Variants in SEPTIN9 observed in about 807,000 individuals in gnomAD.
The protein encoded by SEPTIN9 is septin-9.
In SEPTIN9, 13 loss-of-function variants were observed where a neutral mutation model predicts 56.6. That is an observed-to-expected ratio of 0.23 (90% confidence interval 0.15 to 0.37). The LOEUF (loss-of-function observed/expected upper bound fraction) is 0.37. SEPTIN9 is among the 10% of genes least tolerant of loss of function. The pLI, the probability that SEPTIN9 is intolerant of heterozygous loss-of-function variation, is 1.00. For synonymous variants in SEPTIN9, 332 were observed against 334.1 expected, an observed-to-expected ratio of 0.99 and a Z score of 0.07; for missense variants, 650 against 823.1, an observed-to-expected ratio of 0.79 and a Z score of 2.57.
At chr17:77,383,594 G>A (rs947729413) in intron 2 of SEPTIN9, among the ~76,000 whole-genome samples, 2 of 152,240 alleles carry the variant, frequency 1.3e-5, no homozygotes, top group African/African-American at 4.8e-5. Context: ...GACGGGGGCT[G>A]CCTCTGCCCC....
intron 2 of SEPTIN9, among the ~76,000 whole-genome samples, chr17:77,378,646 A>T (rs375546545): frequency 1.1e-4 from 17 of 152,348 alleles, no homozygotes; most frequent in African/African-American, 4.1e-4. Flanking sequence ...ACCACTAATT[A>T]TGGAAAGCAC....
chr17:77,325,551 A>G (rs1275777668), intron 2 of SEPTIN9, among the ~76,000 whole-genome samples: 1 of 151,870 alleles, frequency 6.6e-6, no homozygotes, highest in African/African-American at 2.4e-5. Flanking sequence ...GGCTGATGGC[A>G]GGGCCAGCCC....
rs946901148 is a variant in SEPTIN9 at position 77,369,031 on chromosome 17, C to G, written c.77-33028C>G. On this transcript the variant is annotated intron_variant, in intron 2 of 11. Transcript: ENST00000427177. The surrounding 1 kb of genome is among the most constrained non-coding windows in gnomAD (Gnocchi z 4.9). Reference sequence around the variant, plus strand: ...CCAAGGCAGGCAGATCATCTGAGTTCAAAACCAGCCTGGCCAGCAGGGTGA... The same window carrying G: ...CCAAGGCAGGCAGATCATCTGAGTTGAAAACCAGCCTGGCCAGCAGGGTGA... 2.0e-5 allele frequency among the ~76,000 whole-genome samples: 3 copies of G among 152,182 alleles called. No individual in the cohort carries two copies. Among genetic ancestry groups the G allele is most frequent in the East Asian group, 1.9e-4 (1 of 5,192 alleles).
chr17:77,441,206 G>A (rs1260024219), intron 3 of SEPTIN9, among the ~76,000 whole-genome samples: 1 of 152,122 alleles, frequency 6.6e-6, no homozygotes, highest in African/African-American at 2.4e-5. Context: ...GCCTGCCCTG[G>A]TGTCTCTGCC....
intron 2 of SEPTIN9, among the ~76,000 whole-genome samples, chr17:77,385,658 C>G (rs1353565360): frequency 6.6e-6 from 1 of 152,258 alleles, no homozygotes; most frequent in Non-Finnish European, 1.5e-5. Flanking sequence ...TGTCACATTC[C>G]CTGGTCGCTG....
rs2032830095 is a variant in SEPTIN9 at position 77,319,601 on chromosome 17, C to T, written c.76+12404C>T. The T allele has an allele frequency of 1.9e-6, 2 of 1,061,108 alleles. No homozygotes were observed. The highest frequency in any genetic ancestry group is 2.3e-6 in the Non-Finnish European group (2 of 876,788). 65.7% of individuals were successfully genotyped at this position (1,061,108 alleles called of 1,614,324 possible). ...CAGGTGCTCCGGAACCTTTTCTCAG[C>T]ACGCTGGCCTGGGGCACGGCCGTTC... On this transcript the variant is annotated intron_variant, in intron 2 of 11. Transcript: ENST00000427177. This position sits in a 1 kb window ranked among gnomAD's most constrained non-coding sequence, Gnocchi z 5.3.
chr17:77,349,550 T>A (rs1038533487), intron 2 of SEPTIN9, among the ~76,000 whole-genome samples: 6 of 152,236 alleles, frequency 3.9e-5, no homozygotes, highest in African/African-American at 1.4e-4. Context: ...AGCATTCATC[T>A]AGCTATTCCC....
rs565630480 is a variant in SEPTIN9 at position 77,482,091 on chromosome 17, G to A, written c.722-53G>A. ...TGGGTGTGACAACCACCTGGCAGGC[G>A]CCTGTGTGTGAGCCCCTGTTCCGCT... is the stretch of plus-strand genomic sequence containing the variant. On this transcript the variant is annotated intron_variant, in intron 3 of 11. Transcript: ENST00000427177. 9.8e-5 allele frequency: 146 copies of A among 1,486,340 alleles called. 2 individuals are homozygous for A. The South Asian group carries it at 1.7e-3, about 18-fold the overall frequency. The allele number at this position is 1,486,340 out of a possible 1,614,324, so 92.1% of individuals were successfully genotyped here.
At position 77,482,386 on chromosome 17, in the gene SEPTIN9, G is replaced by A. The variant is rs765141633; in HGVS notation, c.913+51G>A. ...CAACCAATGCCGGAAACCAGCCTCAGCCCCCAGGGCGGCCCACAAGCCTTT... is the reference window on the plus strand; with the variant it reads ...CAACCAATGCCGGAAACCAGCCTCAACCCCCAGGGCGGCCCACAAGCCTTT... On this transcript the variant is annotated intron_variant, in intron 4 of 11. Coordinates refer to ENST00000427177, the MANE Select transcript of SEPTIN9 (RefSeq NM_001113491.2). 2.5e-6 allele frequency: 4 copies of A among 1,581,868 alleles called. No individual in the cohort carries two copies. In the African/African-American group the frequency reaches 5.4e-5, roughly 21 times the overall value.
At chr17:77,471,969 C>CT (rs2039016516) in intron 3 of SEPTIN9, among the ~76,000 whole-genome samples, 1 of 151,692 alleles carries the variant, frequency 6.6e-6, no homozygotes, top group African/African-American at 2.4e-5. Context: ...AATAGCCCCC[C>CT]CCACCACACA....
chr17:77,468,616 C>T (rs1248106950), intron 3 of SEPTIN9, among the ~76,000 whole-genome samples: 1 of 152,194 alleles, frequency 6.6e-6, no homozygotes, highest in Non-Finnish European at 1.5e-5. Context: ...CATTGAGGCA[C>T]AGAGTGGTTA....
At position 77,450,259 on chromosome 17, in the gene SEPTIN9, G is replaced by C. The variant is rs1009371650; in HGVS notation, c.722-31885G>C. Among the ~76,000 whole-genome samples the C allele has an allele frequency of 3.3e-5, 5 of 152,192 alleles. No individual in the cohort carries two copies. The East Asian group carries it at 9.7e-4, about 29-fold the overall frequency. On this transcript the variant is annotated intron_variant, in intron 3 of 11. Coordinates refer to ENST00000427177, the MANE Select transcript of SEPTIN9 (RefSeq NM_001113491.2). The surrounding 1 kb of genome is among the most constrained non-coding windows in gnomAD (Gnocchi z 6.0). ...GTTTGGCCAGTGTGGCGGGTGCCCC[G>C]GGGCTTCAGTCACCCCCAGCCACGT...
chr17:77,498,749 T>C lies in SEPTIN9; in HGVS notation c.*91T>C. 1 of 761,656 alleles carries C rather than the reference T, an allele frequency of 1.3e-6. No homozygotes were observed. The allele number at this position is 761,656 out of a possible 1,614,324, so 47.2% of individuals were successfully genotyped here. On this transcript the variant is annotated 3_prime_UTR_variant, in exon 12 of 12. Coordinates refer to ENST00000427177, the MANE Select transcript of SEPTIN9 (RefSeq NM_001113491.2). ...ACCACCCCATTTTATTTTATATGAT[T>C]TTCTCCATTTGTCATCGTTCCCCAC...
intron 3 of SEPTIN9, among the ~76,000 whole-genome samples, chr17:77,415,169 C>T (rs766157615): frequency 6.2e-4 from 94 of 152,252 alleles, no homozygotes; most frequent in Non-Finnish European, 1.1e-3. Context: ...TGGGACAAGC[C>T]GGCCTGGGTG....
chr17:77,432,037 G>T (rs950016796), intron 3 of SEPTIN9, among the ~76,000 whole-genome samples: 15 of 152,192 alleles, frequency 9.9e-5, no homozygotes, highest in South Asian at 2.1e-4. Context: ...GTGGACCCCA[G>T]CTGGGGGTGG....
At chr17:77,341,485 T>C (rs1305511328) in intron 2 of SEPTIN9, among the ~76,000 whole-genome samples, 1 of 152,144 alleles carries the variant, frequency 6.6e-6, no homozygotes, top group Non-Finnish European at 1.5e-5. Context: ...GCATTGAAGA[T>C]CACTGATCAC....
Position 77,329,142 on chromosome 17 carries a change from A to C in SEPTIN9, c.76+21945A>C, listed in dbSNP as rs984061470. Among the ~76,000 whole-genome samples, 1 of 152,164 alleles carries C rather than the reference A, an allele frequency of 6.6e-6. No homozygotes were observed. Among genetic ancestry groups the C allele is most frequent in the Admixed American group, 6.5e-5 (1 of 15,288 alleles). ...GAGGCCCTGGTGAGGGCTTGATTTTATTCTCACTATGGTGGGACCTCAGTG... is the reference window on the plus strand; with the variant it reads ...GAGGCCCTGGTGAGGGCTTGATTTTCTTCTCACTATGGTGGGACCTCAGTG... On this transcript the variant is annotated intron_variant, in intron 2 of 11. Coordinates refer to ENST00000427177, the MANE Select transcript of SEPTIN9 (RefSeq NM_001113491.2). This position sits in a 1 kb window ranked among gnomAD's most constrained non-coding sequence, Gnocchi z 4.3.
intron 3 of SEPTIN9, among the ~76,000 whole-genome samples, chr17:77,480,723 A>ACTCCC (rs142982402): frequency 1.5e-3 from 220 of 151,510 alleles, no homozygotes; most frequent in African/African-American, 5.1e-3. Context: ...GGGAAAAGCC[A>ACTCCC]CTCCCCTCCC....
At chr17:77,482,000 A>G in intron 3 of SEPTIN9, 144 bp from the exon 4 acceptor site, 1 of 729,676 alleles carries the variant, frequency 1.4e-6, no homozygotes, top group Admixed American at 2.9e-5. Flanking sequence ...GGGAATTCTC[A>G]GGGGTCGCCT....
Sources: allele counts gnomAD v4.1 joint callset (sites outside exome capture counted in the v4.1 genomes callset), GRCh38; gene constraint gnomAD v4.1.1; non-coding constraint Gnocchi (gnomAD v3.1); transcripts MANE v1.5; gene names NCBI Gene and HGNC (gene_info 2026-07-23, HGNC 2026-07-21).